The following ENAH variants were observed in gnomAD, a reference collection of about 807,000 sequenced individuals.
The protein encoded by ENAH is protein enabled homolog.
In ENAH, 23 loss-of-function variants were observed where a neutral mutation model predicts 78.7. That is an observed-to-expected ratio of 0.29 (90% confidence interval 0.21 to 0.41). The LOEUF is 0.41. Ranked by LOEUF, ENAH falls within the 10% of genes least tolerant of loss-of-function variation. ENAH has a pLI of 1.00. For missense variants in ENAH, 544 were observed against 691.0 expected (o/e 0.79, Z 2.39); for synonymous variants, 226 against 241.0 (o/e 0.94, Z 0.58).
intron 4 of ENAH, among the ~76,000 whole-genome samples, chr1:225,529,318 C>T (rs917529656): frequency 1.3e-5 from 2 of 152,174 alleles, no homozygotes; most frequent in African/African-American, 4.8e-5. Context: ...CAAGCATCAT[C>T]CTTCCTTAAG....
intron 1 of ENAH, among the ~76,000 whole-genome samples, chr1:225,618,288 A>C (rs988527146): frequency 5.3e-5 from 8 of 152,212 alleles, no homozygotes; most frequent in Admixed American, 3.9e-4. Flanking sequence ...AGAAAGAAAA[A>C]GTGAACCATG....
chr1:225,566,715 A>G (rs2096736657), intron 2 of ENAH, among the ~76,000 whole-genome samples: 1 of 152,218 alleles, frequency 6.6e-6, no homozygotes, highest in Non-Finnish European at 1.5e-5. Flanking sequence ...TAATCCAGCT[A>G]CTTTCTAAGA....
At chr1:225,583,955 C>T (rs2096832963) in intron 1 of ENAH, among the ~76,000 whole-genome samples, 2 of 152,072 alleles carry the variant, frequency 1.3e-5, no homozygotes, top group Non-Finnish European at 2.9e-5. Flanking sequence ...GGGTTCAAGA[C>T]CAGCCTGGCA....
At chr1:225,616,800 CATTAA>C (rs1655794035) in intron 1 of ENAH, among the ~76,000 whole-genome samples, 1 of 152,050 alleles carries the variant, frequency 6.6e-6, no homozygotes, top group African/African-American at 2.4e-5. Flanking sequence ...TAACTCCACC[CATTAA>C]ATTAAGATTT....
Position 225,494,589 on chromosome 1 carries a change from C to G in ENAH, c.*3186G>C, listed in dbSNP as rs1156762855. 6.6e-6 allele frequency: 1 copy of G among 152,026 alleles called. No individual in the cohort carries two copies. The highest frequency in any genetic ancestry group is 1.5e-5 in the Non-Finnish European group (1 of 67,982). The allele number at this position is 152,026 out of a possible 1,614,324, so 9.4% of individuals were successfully genotyped here. On this transcript the variant is annotated 3_prime_UTR_variant, in exon 14 of 14. Coordinates refer to ENST00000366843, the MANE Select transcript of ENAH (RefSeq NM_018212.6). ...GAGAGAAAATAAGAAGAGGGAACAC[C>G]CAACAGTTATTTCAAACAAAAAGTA... is the stretch of plus-strand genomic sequence containing the variant.
At chr1:225,614,828 T>C (rs1299008381) in intron 1 of ENAH, among the ~76,000 whole-genome samples, 1 of 152,172 alleles carries the variant, frequency 6.6e-6, no homozygotes, top group African/African-American at 2.4e-5. Flanking sequence ...TATATTACAA[T>C]ACCACATTTA....
At chr1:225,624,881 A>T (rs959983867) in intron 1 of ENAH, among the ~76,000 whole-genome samples, 1 of 152,142 alleles carries the variant, frequency 6.6e-6, no homozygotes, top group Non-Finnish European at 1.5e-5. Context: ...ACAATCTTAC[A>T]TGGTTTCTAC....
intron 1 of ENAH, among the ~76,000 whole-genome samples, chr1:225,623,406 A>G (rs1657351138): frequency 6.6e-6 from 1 of 152,016 alleles, no homozygotes; most frequent in Non-Finnish European, 1.5e-5. Flanking sequence ...ATCAGCAAAG[A>G]CTCATAATTT....
chr1:225,492,702 AGAAG>A lies in ENAH; in HGVS notation c.*5069_*5072del, dbSNP rs1182196214. On this transcript the variant is annotated 3_prime_UTR_variant, in exon 14 of 14. Transcript: ENST00000366843. ...TTAAATGATACTAACACTTCCGTTT[AGAAG>A]GTTGTGTGCATCACAGAGTATCTGT... 2.0e-5 allele frequency: 3 copies of A among 152,218 alleles called. No individual in the cohort carries two copies. Among genetic ancestry groups the A allele is most frequent in the Non-Finnish European group, 4.4e-5 (3 of 68,044 alleles). 9.4% of individuals were successfully genotyped at this position (152,218 alleles called of 1,614,324 possible).
chr1:225,512,764 A>G, intron 8 of ENAH, 50 bp from the exon 9 acceptor site: 1 of 1,609,820 alleles, frequency 6.2e-7, no homozygotes, highest in East Asian at 2.2e-5. Flanking sequence ...GATTCAGTAT[A>G]AAAACCACTT....
chr1:225,597,802 T>G (rs200079684), intron 1 of ENAH, among the ~76,000 whole-genome samples: 1 of 152,150 alleles, frequency 6.6e-6, no homozygotes. Context: ...TAATAGATGA[T>G]GCATAAGGCC....
intron 4 of ENAH, among the ~76,000 whole-genome samples, chr1:225,526,976 G>A (rs546302934): frequency 6.6e-6 from 1 of 152,246 alleles, no homozygotes; most frequent in Non-Finnish European, 1.5e-5. Context: ...TGGCAAGGAC[G>A]AGTGTCAACA....
chr1:225,545,730 A>G (rs567613376), intron 3 of ENAH, among the ~76,000 whole-genome samples: 1 of 152,240 alleles, frequency 6.6e-6, no homozygotes, highest in African/African-American at 2.4e-5. Flanking sequence ...GAAACGGTCC[A>G]GAAGGGGACC....
rs1477959625 is a variant in ENAH, at chr1:225,492,864, T to C, written c.*4911A>G. ...GTCATTATGACAGTCATTTATCCTT[T>C]TACAATGTTTCTGTTACTTTATAAA... On this transcript the variant is annotated 3_prime_UTR_variant, in exon 14 of 14. Coordinates refer to ENST00000366843, the MANE Select transcript of ENAH (RefSeq NM_018212.6). The C allele has an allele frequency of 7.3e-6, 1 of 136,472 alleles. No individual in the cohort carries two copies. Among genetic ancestry groups the C allele is most frequent in the Admixed American group, 7.5e-5 (1 of 13,418 alleles). 8.5% of individuals were successfully genotyped at this position (136,472 alleles called of 1,614,324 possible).
At chr1:225,618,040 A>T (rs1303099889) in intron 1 of ENAH, among the ~76,000 whole-genome samples, 2 of 152,246 alleles carry the variant, frequency 1.3e-5, no homozygotes, top group Non-Finnish European at 2.9e-5. Context: ...GAACTAAGTG[A>T]ATGTAACTGG....
chr1:225,511,958 C>T (rs905185014), intron 9 of ENAH, 99 bp from the exon 10 acceptor site: 4 of 679,064 alleles, frequency 5.9e-6, no homozygotes, highest in African/African-American at 5.6e-5. Flanking sequence ...CTTTCTGCCA[C>T]TCCCCACTTT....
intron 1 of ENAH, among the ~76,000 whole-genome samples, chr1:225,608,220 G>GAAAAAAAAAAAAAAAAAAAAAA (rs60998592): frequency 7.7e-5 from 7 of 91,270 alleles, no homozygotes; most frequent in Admixed American, 1.1e-4. Flanking sequence ...ATAAAAAACA[G>GAAAAAAAAAAAAAAAAAAAAAA]AAAAAAAAAA....
rs2096213473 is a variant in ENAH at position 225,489,608 on chromosome 1, C to T, written c.*8167G>A. The T allele has an allele frequency of 6.6e-6, 1 of 151,944 alleles. No homozygotes were observed. The highest frequency in any genetic ancestry group is 1.5e-5 in the Non-Finnish European group (1 of 67,962). 9.4% of individuals were successfully genotyped at this position (151,944 alleles called of 1,614,324 possible). A position where few individuals can be genotyped will look rare whatever the true frequency, so the allele number is the denominator to read the frequency against. ...AAAAAGATTAAAAAAAAAGAATAAACCAACCAGTAGCTGCCGAGAATACAG... is the reference window on the plus strand; with the variant it reads ...AAAAAGATTAAAAAAAAAGAATAAATCAACCAGTAGCTGCCGAGAATACAG... On this transcript the variant is annotated 3_prime_UTR_variant, in exon 14 of 14. Coordinates refer to ENST00000366843, the MANE Select transcript of ENAH (RefSeq NM_018212.6).
intron 1 of ENAH, among the ~76,000 whole-genome samples, chr1:225,644,780 G>A (rs1485325859): frequency 6.6e-6 from 1 of 152,048 alleles, no homozygotes; most frequent in African/African-American, 2.4e-5. Flanking sequence ...TGTTCTATAA[G>A]GCCTTTACCA....
Sources: allele counts gnomAD v4.1 joint callset (sites outside exome capture counted in the v4.1 genomes callset), GRCh38; gene constraint gnomAD v4.1.1; transcripts MANE v1.5; gene names NCBI Gene and HGNC (gene_info 2026-07-23, HGNC 2026-07-21).